SLC6A19: variants seen among roughly 807,000 people sequenced by gnomAD.
SLC6A19 encodes the protein solute carrier family 6 member 19.
In SLC6A19, 67 loss-of-function variants were observed where a neutral mutation model predicts 68.3. That is an observed-to-expected ratio of 0.98 (90% confidence interval 0.81 to 1.20). The LOEUF (loss-of-function observed/expected upper bound fraction) is 1.20. Among genes scored for constraint, SLC6A19 ranks in the 50% most tolerant of loss-of-function variants. The pLI is 0.00. For missense variants in SLC6A19, 813 were observed against 851.6 expected (o/e 0.95, Z 0.56); for synonymous variants, 392 against 374.9 (o/e 1.05, Z -0.53).
Position 1,219,202 on chromosome 5 carries a change from G to A in SLC6A19, c.1378+95G>A, listed in dbSNP as rs193264314. On this transcript the variant is annotated intron_variant, in intron 9 of 11. Coordinates refer to ENST00000304460, the MANE Select transcript of SLC6A19 (RefSeq NM_001003841.3). ...TGAACAGCTCTGTCCCCGGCCGTGCGTGCAGCCCCCGGGCGTGTGAACAGC... is the reference window on the plus strand; with the variant it reads ...TGAACAGCTCTGTCCCCGGCCGTGCATGCAGCCCCCGGGCGTGTGAACAGC... 2.2e-4 allele frequency: 263 copies of A among 1,204,826 alleles called. 4 individuals are homozygous for A. In the African/African-American group the frequency reaches 3.2e-3, roughly 14 times the overall value. The allele number at this position is 1,204,826 out of a possible 1,614,324, so 74.6% of individuals were successfully genotyped here.
chr5:1,213,614 G>A, intron 5 of SLC6A19, 41 bp downstream of exon 5: 1 of 1,569,348 alleles, frequency 6.4e-7, no homozygotes, highest in Non-Finnish European at 8.7e-7. Context: ...CCCCGGGAGA[G>A]GCCTGGCTGC....
At position 1,208,807 on chromosome 5, in the gene SLC6A19, G is replaced by A. The variant is rs765936901; in HGVS notation, c.264G>A (p.Leu88=). ...LVLEGIPLLY[L]EFAIGQRLRR... is the part of the protein sequence containing the mutation. Reference sequence around the variant, plus strand: ...TGGAGGGCATCCCCCTGCTGTACCTGGAGTTCGCCATCGGGCAGCGGCTGC... The same window carrying A: ...TGGAGGGCATCCCCCTGCTGTACCTAGAGTTCGCCATCGGGCAGCGGCTGC... The change falls in exon 2 of 12, where the codon CTG becomes CTA. Residue 88 remains leucine (L), a synonymous_variant. Coordinates refer to ENST00000304460, the MANE Select transcript of SLC6A19 (RefSeq NM_001003841.3). The A allele has an allele frequency of 5.0e-6, 8 of 1,613,326 alleles. No homozygotes were observed. Among genetic ancestry groups the A allele is most frequent in the Non-Finnish European group, 6.8e-6 (8 of 1,180,010 alleles).
rs549469162 is a variant in SLC6A19 at position 1,210,568 on chromosome 5, C to T, written c.468C>T (p.Asn156=). ...EPLPWSDCPL[N]ENQTGYVDEC... ...TGCCCTGGAGCGACTGCCCGCTCAA[C>T]GAGAACCAGACAGGTGAGTCCTTGC... is the stretch of plus-strand genomic sequence containing the variant. Residue 156 remains asparagine (N), a synonymous_variant, in exon 3 of 12, where the codon AAC becomes AAT. Coordinates refer to ENST00000304460, the MANE Select transcript of SLC6A19 (RefSeq NM_001003841.3). 22 of 1,612,876 alleles carry T rather than the reference C, an allele frequency of 1.4e-5. No homozygotes were observed. The highest frequency in any genetic ancestry group is 5.0e-5 in the Admixed American group (3 of 60,008).
Position 1,224,110 on chromosome 5 carries a change from C to G in SLC6A19, c.*2206C>G, listed in dbSNP as rs1443697613. On this transcript the variant is annotated 3_prime_UTR_variant, in exon 12 of 12. Transcript: ENST00000304460. ...ATCAGTGCCCCATTAATATGCTGCC[C>G]TGTGGCATCTGCCCAGGAGGCCCTG... 7 of 152,420 alleles carry G rather than the reference C, an allele frequency of 4.6e-5. No homozygotes were observed. In the East Asian group the frequency reaches 1.4e-3, roughly 29 times the overall value. The allele number at this position is 152,420 out of a possible 1,614,324, so 9.4% of individuals were successfully genotyped here. A position where few individuals can be genotyped will look rare whatever the true frequency, so the allele number is the denominator to read the frequency against.
chr5:1,205,437 A>G (rs1275570614), intron 1 of SLC6A19, among the ~76,000 whole-genome samples: 2 of 151,632 alleles, frequency 1.3e-5, no homozygotes, highest in Admixed American at 6.6e-5. Flanking sequence ...TGTGCCCCCC[A>G]CCCCCAGTCC....
chr5:1,202,673 GC>G (rs1247227505), intron 1 of SLC6A19, among the ~76,000 whole-genome samples: 8 of 132,002 alleles, frequency 6.1e-5, no homozygotes, highest in Non-Finnish European at 1.0e-4. Flanking sequence ...GCTTCCTGCT[GC>G]CCTGGGGCAG....
In SLC6A19 at chr5:1,212,276, G is replaced by A; in HGVS notation, c.482-27G>A. On this transcript the variant is annotated intron_variant, in intron 3 of 11. Coordinates refer to ENST00000304460, the MANE Select transcript of SLC6A19 (RefSeq NM_001003841.3). This position sits in a 1 kb window ranked among gnomAD's most constrained non-coding sequence, Gnocchi z 5.1. ...TCCTCCCTTGGGGGACCCGTACCCT[G>A]AGGTGTGTGAATGGCCCTCTCCCCA... 6.2e-7 allele frequency: 1 copy of A among 1,612,268 alleles called. No individual in the cohort carries two copies. Among genetic ancestry groups the A allele is most frequent in the Non-Finnish European group, 8.5e-7 (1 of 1,179,870 alleles).
chr5:1,219,106 A>G lies in SLC6A19; in HGVS notation c.1377A>G (p.Thr459=), dbSNP rs1436552143. The G allele has an allele frequency of 1.2e-6, 2 of 1,611,836 alleles. No homozygotes were observed. Among genetic ancestry groups the G allele is most frequent in the African/African-American group, 2.7e-5 (2 of 74,888 alleles). The change falls in exon 9 of 12, where the codon ACA becomes ACG. Residue 459 remains threonine (T), a splice_region_variant and synonymous_variant. Transcript: ENST00000304460. ...IPPKWPKEVL[T]GLICLGTFLI... is the part of the protein sequence containing the mutation. ...CGAAGTGGCCCAAGGAGGTGCTCAC[A>G]GGTACGTGTGCAGTCGGGAGGGGTC...
chr5:1,206,245 C>T (rs1222221311), intron 1 of SLC6A19, among the ~76,000 whole-genome samples: 2 of 146,226 alleles, frequency 1.4e-5, no homozygotes, highest in Non-Finnish European at 2.9e-5. Context: ...CTCCTTCTCT[C>T]TCTCTCTCTC....
In SLC6A19 at chr5:1,202,194, C is replaced by T. The variant is rs889470405; in HGVS notation, c.202+342C>T. Among the ~76,000 whole-genome samples, 56 of 152,322 alleles carry T rather than the reference C, an allele frequency of 3.7e-4. 1 individual carries two copies. Among genetic ancestry groups the T allele is most frequent in the Admixed American group, 3.9e-4 (6 of 15,310 alleles). On this transcript the variant is annotated intron_variant, in intron 1 of 11. Transcript: ENST00000304460. The stretch of plus-strand genomic sequence containing the variant: ...CGGTACAGCCCCTCCTCGGAGGACG[C>T]GGGGCTGGGCCCTCCTGGGCATCAC...
In SLC6A19 at chr5:1,210,299, T is replaced by C; in HGVS notation, c.344-145T>C. The C allele has an allele frequency of 8.6e-6, 10 of 1,163,452 alleles. 1 individual carries two copies. In the East Asian group the frequency reaches 2.6e-4, roughly 30 times the overall value. The allele number at this position is 1,163,452 out of a possible 1,614,324, so 72.1% of individuals were successfully genotyped here. On this transcript the variant is annotated intron_variant, in intron 2 of 11. Transcript: ENST00000304460. ...CGGCATCAGCTGCATGATCCCGGCC[T>C]GCACTGGGTCGGCCCCTCAGATTCT...
intron 1 of SLC6A19, among the ~76,000 whole-genome samples, chr5:1,202,919 C>A (rs1020007033): frequency 1.3e-5 from 2 of 152,210 alleles, no homozygotes; most frequent in African/African-American, 4.8e-5. Context: ...GTCCAGCCTG[C>A]ACTTTCCACT....
intron 1 of SLC6A19, among the ~76,000 whole-genome samples, chr5:1,204,089 C>T (rs1055337903): frequency 2.6e-5 from 4 of 152,214 alleles, no homozygotes; most frequent in South Asian, 2.1e-4. Context: ...TTGTCAGTGA[C>T]ACCAGATTTC....
At chr5:1,206,746 G>A (rs533385906) in intron 1 of SLC6A19, among the ~76,000 whole-genome samples, 13 of 152,122 alleles carry the variant, frequency 8.5e-5, no homozygotes, top group Non-Finnish European at 1.6e-4. Context: ...GCAGCGTGAG[G>A]AGGGGCTGTC....
intron 5 of SLC6A19, 96 bp from the exon 6 acceptor site, chr5:1,213,857 A>C (rs1292603411): frequency 1.9e-6 from 3 of 1,584,128 alleles, no homozygotes; most frequent in Non-Finnish European, 2.6e-6. Context: ...CCACCCCAAT[A>C]GCCTCGACCC....
chr5:1,224,124 C>T lies in SLC6A19; in HGVS notation c.*2220C>T, dbSNP rs1256062709. ...AATATGCTGCCCTGTGGCATCTGCC[C>T]AGGAGGCCCTGCCAGGCGTGCACAG... On this transcript the variant is annotated 3_prime_UTR_variant, in exon 12 of 12. Transcript: ENST00000304460. The T allele has an allele frequency of 6.6e-6, 1 of 152,294 alleles. No homozygotes were observed. The highest frequency in any genetic ancestry group is 1.5e-5 in the Non-Finnish European group (1 of 68,076). The allele number at this position is 152,294 out of a possible 1,614,324, so 9.4% of individuals were successfully genotyped here.
chr5:1,210,548 T>C lies in SLC6A19; in HGVS notation c.448T>C (p.Trp150Arg). 6.2e-7 allele frequency: 1 copy of C among 1,613,270 alleles called. No homozygotes were observed. The highest frequency in any genetic ancestry group is 2.2e-5 in the East Asian group (1 of 44,884). The change falls in exon 3 of 12, where the codon TGG (tryptophan) becomes CGG (arginine). Residue 150 changes from tryptophan to arginine, a missense_variant. Trp to Arg is a moderately radical substitution (Grantham distance 101). Coordinates refer to ENST00000304460, the MANE Select transcript of SLC6A19 (RefSeq NM_001003841.3). ...LFNSFQEPLPWSDCPLNENQT... is the reference protein window; with the variant it reads ...LFNSFQEPLPRSDCPLNENQT... ...CAACTCCTTCCAGGAGCCTCTGCCC[T>C]GGAGCGACTGCCCGCTCAACGAGAA...
rs545968834 is a variant in SLC6A19 at position 1,209,134 on chromosome 5, G to A, written c.343+248G>A. Among the ~76,000 whole-genome samples, 1 of 152,282 alleles carries A rather than the reference G, an allele frequency of 6.6e-6. No homozygotes were observed. Among genetic ancestry groups the A allele is most frequent in the South Asian group, 2.1e-4 (1 of 4,824 alleles). On this transcript the variant is annotated intron_variant, in intron 2 of 11. Transcript: ENST00000304460. The surrounding 1 kb of genome is among the most constrained non-coding windows in gnomAD (Gnocchi z 5.5). ...GAGTCCCTGGCAGCCCAGGGCCCAG[G>A]AGGGTCCAGACACTGGACAGCAGAG...
At chr5:1,219,784 C>A in intron 10 of SLC6A19, 120 bp downstream of exon 10, 1 of 1,392,160 alleles carries the variant, frequency 7.2e-7, no homozygotes, top group Non-Finnish European at 1.0e-6. Flanking sequence ...GACTCGGGGC[C>A]TCGGCCGGCC....
Sources: allele counts gnomAD v4.1 joint callset (sites outside exome capture counted in the v4.1 genomes callset), GRCh38; gene constraint gnomAD v4.1.1; non-coding constraint Gnocchi (gnomAD v3.1); transcripts MANE v1.5; gene names NCBI Gene and HGNC (gene_info 2026-07-23, HGNC 2026-07-21).